Variants in MAML1 observed in about 807,000 individuals in gnomAD.
MAML1 encodes mastermind like transcriptional coactivator 1.
A neutral mutation model predicts 77.1 loss-of-function variants in MAML1; 14 were observed. The observed-to-expected ratio is 0.18, with a 90% CI of 0.12 to 0.28. The LOEUF is 0.28. Among genes scored for constraint, MAML1 ranks in the 10% least tolerant of loss-of-function variants. The probability of loss-of-function intolerance (pLI) is 1.00; values close to 1 mark genes in which losing one functional copy is unlikely to be tolerated. For missense variants in MAML1, 1,217 were observed against 1,327.8 expected (o/e 0.92, Z 1.30); for synonymous variants, 516 against 551.9 (o/e 0.93, Z 0.91).
chr5:179,757,067 C>T (rs1040625704), intron 1 of MAML1, among the ~76,000 whole-genome samples: 2 of 152,168 alleles, frequency 1.3e-5, no homozygotes, highest in African/African-American at 4.8e-5. Context: ...GAACCACCCA[C>T]CCGCAGCCTC....
rs371021422 is a variant in MAML1, at chr5:179,756,985, G to A, written c.316-8341G>A. Among the ~76,000 whole-genome samples the A allele has an allele frequency of 6.6e-5, 10 of 152,030 alleles. No individual in the cohort carries two copies. In the East Asian group the frequency reaches 1.4e-3, roughly 21 times the overall value. On this transcript the variant is annotated intron_variant, in intron 1 of 4. Transcript: ENST00000292599. The stretch of plus-strand genomic sequence containing the variant: ...TGGGATTACAGGCGTGCGCCACCAC[G>A]CCTGGCTAATTTTTGTATTTTTAGT...
In MAML1 at chr5:179,776,646, C is replaced by T. The variant is rs1483681358; in HGVS notation, c.*1769C>T. On this transcript the variant is annotated 3_prime_UTR_variant, in exon 5 of 5. Transcript: ENST00000292599. ...CCTCAGCGGCTTTTCTCCCAAAAAT[C>T]GGCTGAAGGCTGGTTGTGGATCCTT... The T allele has an allele frequency of 6.1e-6, 6 of 985,592 alleles. No homozygotes were observed. The highest frequency in any genetic ancestry group is 7.2e-6 in the Non-Finnish European group (6 of 829,964). The allele number at this position is 985,592 out of a possible 1,614,324, so 61.1% of individuals were successfully genotyped here.
Position 179,766,481 on chromosome 5 carries a change from A to C in MAML1, c.1471A>C (p.Ser491Arg), listed in dbSNP as rs1562571945. 6.2e-7 allele frequency: 1 copy of C among 1,609,422 alleles called. No homozygotes were observed. The highest frequency in any genetic ancestry group is 8.5e-7 in the Non-Finnish European group (1 of 1,177,864). Residue 491 changes from serine to arginine, a missense_variant, in exon 2 of 5, where the codon AGT (serine) becomes CGT (arginine). By Grantham distance (110) the Ser-to-Arg change is moderately radical. Transcript: ENST00000292599. The surrounding 1 kb of genome is among the most constrained non-coding windows in gnomAD (Gnocchi z 4.0). ...CCAGCCCAGCCATGTGAACCTGCTG[A>C]GTCACCAGCCACCGAGTAACTTGAA... ...YLQPSHVNLL[S>R]HQPPSNLNQN... is the part of the protein sequence containing the mutation.
rs954739173 is a variant in MAML1 at position 179,765,802 on chromosome 5, T to C, written c.792T>C (p.Asp264=). ...LIEELNRSVP[D]EDMKDLFNED... is the part of the protein sequence containing the mutation. ...AGGAGCTGAACAGGTCGGTGCCCGA[T>C]GAAGACATGAAGGACCTGTTTAATG... The change falls in exon 2 of 5, where the codon GAT becomes GAC. Residue 264 remains aspartate (D), a synonymous_variant. Transcript: ENST00000292599. 5 of 1,614,022 alleles carry C rather than the reference T, an allele frequency of 3.1e-6. No homozygotes were observed. The highest frequency in any genetic ancestry group is 4.2e-6 in the Non-Finnish European group (5 of 1,180,036).
rs74325189 is a variant in MAML1 at position 179,768,145 on chromosome 5, C to G, written c.1732-705C>G. ...ATGGGACAGAGTGGTCTCCATTGACCAAAGCCCCCTTCAAAGTGTTCTTCC... is the reference window on the plus strand; with the variant it reads ...ATGGGACAGAGTGGTCTCCATTGACGAAAGCCCCCTTCAAAGTGTTCTTCC... On this transcript the variant is annotated intron_variant, in intron 2 of 4. Transcript: ENST00000292599. Among the ~76,000 whole-genome samples the G allele has an allele frequency of 2.8e-4, 42 of 152,328 alleles. 1 individual carries two copies. In the East Asian group the frequency reaches 7.7e-3, roughly 28 times the overall value.
chr5:179,745,990 C>T (rs1370097362), intron 1 of MAML1, among the ~76,000 whole-genome samples: 6 of 143,924 alleles, frequency 4.2e-5, no homozygotes, highest in African/African-American at 1.0e-4. Context: ...GCTGAGATAG[C>T]GCCATTCCAT....
In MAML1 at chr5:179,766,784, T is replaced by A; in HGVS notation, c.1731+43T>A. 2 of 1,451,638 alleles carry A rather than the reference T, an allele frequency of 1.4e-6. No individual in the cohort carries two copies. Among genetic ancestry groups the A allele is most frequent in the Non-Finnish European group, 1.8e-6 (2 of 1,083,506 alleles). 89.9% of individuals were successfully genotyped at this position (1,451,638 alleles called of 1,614,324 possible). ...CTTTCTGTTCCTCTGCTGCAGACACTTCAGTGAGGTTACTCACTACTTTGG... is the reference window on the plus strand; with the variant it reads ...CTTTCTGTTCCTCTGCTGCAGACACATCAGTGAGGTTACTCACTACTTTGG... On this transcript the variant is annotated intron_variant, in intron 2 of 4. Transcript: ENST00000292599. The surrounding 1 kb of genome is among the most constrained non-coding windows in gnomAD (Gnocchi z 4.0).
Position 179,740,297 on chromosome 5 carries a change from T to A in MAML1, c.315+6870T>A, listed in dbSNP as rs75698905. ...AACATGATATGATCCAACTTAGGTT[T>A]TTTTGCTCTGCTGACCAGTCTGGAG... On this transcript the variant is annotated intron_variant, in intron 1 of 4. Transcript: ENST00000292599. Among the ~76,000 whole-genome samples, 13 of 152,124 alleles carry A rather than the reference T, an allele frequency of 8.5e-5. No individual in the cohort carries two copies. In the East Asian group the frequency reaches 2.1e-3, roughly 25 times the overall value.
In MAML1 at chr5:179,777,103, TATG is replaced by T; in HGVS notation, c.*2229_*2231del. On this transcript the variant is annotated 3_prime_UTR_variant, in exon 5 of 5. Transcript: ENST00000292599. ...CTTTATATGTGTGTTTTGGGGGAGC[TATG>T]ATAAGTTTTATGGCAAACGGTTGGT... The T allele has an allele frequency of 2.0e-6, 2 of 985,678 alleles. No homozygotes were observed. Among genetic ancestry groups the T allele is most frequent in the East Asian group, 1.1e-4 (1 of 8,820 alleles). The allele number at this position is 985,678 out of a possible 1,614,324, so 61.1% of individuals were successfully genotyped here.
intron 1 of MAML1, among the ~76,000 whole-genome samples, chr5:179,762,509 AGGACTGGGTCCTCCT>A (rs1779742249): frequency 6.6e-6 from 1 of 152,178 alleles, no homozygotes; most frequent in African/African-American, 2.4e-5. Flanking sequence ...ATTATCTCCC[AGGACTGGGTCCTCCT>A]GGAACCCTGT....
chr5:179,733,062 GCCGGCCCCGAGAGGC>G lies in MAML1; in HGVS notation c.-41_-27del, dbSNP rs1212949137. 29 of 1,164,350 alleles carry G rather than the reference GCCGGCCCCGAGAGGC, an allele frequency of 2.5e-5. No homozygotes were observed. The highest frequency in any genetic ancestry group is 8.1e-5 in the African/African-American group (5 of 61,512). 72.1% of individuals were successfully genotyped at this position (1,164,350 alleles called of 1,614,324 possible). On this transcript the variant is annotated 5_prime_UTR_variant, in exon 1 of 5. Transcript: ENST00000292599. ...GCGGGGAGCGAAGCCCGCAGTGCCA[GCCGGCCCCGAGAGGC>G]CCGGCCCCGGGCCCGGCCCGTGCAG...
intron 3 of MAML1, among the ~76,000 whole-genome samples, chr5:179,770,481 A>G (rs1755965134): frequency 6.6e-6 from 1 of 152,158 alleles, no homozygotes; most frequent in Non-Finnish European, 1.5e-5. Flanking sequence ...GACATTTTAT[A>G]TTTATGTTAT....
At chr5:179,772,851 C>T (rs924654081) in intron 4 of MAML1, among the ~76,000 whole-genome samples, 3 of 152,162 alleles carry the variant, frequency 2.0e-5, no homozygotes, top group Non-Finnish European at 4.4e-5. Context: ...TGGTCTCAGC[C>T]ACACTCTCAG....
Position 179,768,987 on chromosome 5 carries a change from G to A in MAML1, c.1869G>A (p.Gln623=), listed in dbSNP as rs771866832. 3 of 1,614,238 alleles carry A rather than the reference G, an allele frequency of 1.9e-6. No individual in the cohort carries two copies. Residue 623 remains glutamine, a synonymous_variant, in exon 3 of 5, where the codon CAG becomes CAA. Transcript: ENST00000292599. ...AGCAACAGGCCGCTGTAATGAAGCA[G>A]CATCAGTTGCTTTTGGACCAACAGA... is the stretch of plus-strand genomic sequence containing the variant. The part of the protein sequence containing the change: ...SSQQQAAVMK[Q]HQLLLDQQKQ...
At position 179,746,046 on chromosome 5, in the gene MAML1, C is replaced by T. The variant is rs1211405231; in HGVS notation, c.315+12619C>T. Among the ~76,000 whole-genome samples, 3 of 137,280 alleles carry T rather than the reference C, an allele frequency of 2.2e-5. No homozygotes were observed. The Admixed American group carries it at 2.2e-4, about 10-fold the overall frequency. The allele number at this position is 137,280 out of a possible 152,430, so 90.1% of individuals were successfully genotyped here. A position where few individuals can be genotyped will look rare whatever the true frequency, so the allele number is the denominator to read the frequency against. On this transcript the variant is annotated intron_variant, in intron 1 of 4. Coordinates refer to ENST00000292599, the MANE Select transcript of MAML1 (RefSeq NM_014757.5). ...AAAACTCTGCCTCAAAAAAAAAAAA[C>T]AAAACCAAAAAAAATGGCTTGGCAC...
At chr5:179,768,728 T>C (rs1779866880) in intron 2 of MAML1, 122 bp from the exon 3 acceptor site, 2 of 1,272,870 alleles carry the variant, frequency 1.6e-6, no homozygotes, top group Admixed American at 2.1e-5. Context: ...ATGGTTGTTA[T>C]TCGAGGTCAG....
intron 3 of MAML1, among the ~76,000 whole-genome samples, chr5:179,770,045 A>G (rs541391827): frequency 2.0e-5 from 3 of 152,170 alleles, no homozygotes; most frequent in Non-Finnish European, 2.9e-5. Flanking sequence ...CATTACCACA[A>G]TCCATTTTAG....
chr5:179,776,287 A>G lies in MAML1; in HGVS notation c.*1410A>G, dbSNP rs1405641447. 4.6e-5 allele frequency: 45 copies of G among 985,782 alleles called. No individual in the cohort carries two copies. Among genetic ancestry groups the G allele is most frequent in the South Asian group, 3.3e-4 (7 of 21,292 alleles). The allele number at this position is 985,782 out of a possible 1,614,324, so 61.1% of individuals were successfully genotyped here. A position where few individuals can be genotyped will look rare whatever the true frequency, so the allele number is the denominator to read the frequency against. On this transcript the variant is annotated 3_prime_UTR_variant, in exon 5 of 5. Transcript: ENST00000292599. ...ACTTCTGTTTCCCTGGAGTCTCCCA[A>G]TGGATCATTCAGGAGTGTCCTATGT...
intron 1 of MAML1, among the ~76,000 whole-genome samples, chr5:179,761,388 C>G (rs1052170247): frequency 2.0e-5 from 3 of 151,436 alleles, no homozygotes; most frequent in African/African-American, 7.3e-5. Flanking sequence ...AGAGTGAGAC[C>G]CTGTCTCTTA....
Sources: allele counts gnomAD v4.1 joint callset (sites outside exome capture counted in the v4.1 genomes callset), GRCh38; gene constraint gnomAD v4.1.1; non-coding constraint Gnocchi (gnomAD v3.1); transcripts MANE v1.5; gene names NCBI Gene and HGNC (gene_info 2026-07-23, HGNC 2026-07-21).